The following OXCT1 variants were observed in gnomAD, a reference collection of about 807,000 sequenced individuals.
OXCT1 encodes 3-oxoacid CoA-transferase 1, also known as succinyl-CoA:3-ketoacid coenzyme A transferase 1, mitochondrial.
Under a neutral mutation model 69.6 loss-of-function variants are expected in OXCT1, and 27 were observed. The observed-to-expected ratio is 0.39, with a 90% CI of 0.29 to 0.54. OXCT1 has a LOEUF of 0.54. Among genes scored for constraint, OXCT1 ranks in the 20% least tolerant of loss-of-function variants. The probability of loss-of-function intolerance (pLI) is 0.72; values close to 1 mark genes in which losing one functional copy is unlikely to be tolerated. For synonymous variants in OXCT1, 202 were observed against 217.8 expected (o/e 0.93, Z 0.64); for missense variants, 437 against 650.2 (o/e 0.67, Z 3.57).
At chr5:41,832,395 A>T (rs1381215839) in intron 7 of OXCT1, among the ~76,000 whole-genome samples, 1 of 152,136 alleles carries the variant, frequency 6.6e-6, no homozygotes, top group Non-Finnish European at 1.5e-5. Flanking sequence ...GTAAGGGAAA[A>T]GAACAGCAGT....
At chr5:41,839,703 A>G (rs1748537805) in intron 7 of OXCT1, among the ~76,000 whole-genome samples, 1 of 152,226 alleles carries the variant, frequency 6.6e-6, no homozygotes, top group South Asian at 2.1e-4. Flanking sequence ...AACACCTGCC[A>G]TCATGAGAAA....
chr5:41,813,662 T>A (rs1561097590), intron 7 of OXCT1, among the ~76,000 whole-genome samples: 2 of 152,040 alleles, frequency 1.3e-5, no homozygotes, highest in Admixed American at 6.6e-5. Context: ...GAGAAGACAG[T>A]CTGACGCTCA....
rs183413214 is a variant in OXCT1 at position 41,776,437 on chromosome 5, C to T, written c.1249-14237G>A. 2.6e-3 allele frequency among the ~76,000 whole-genome samples: 394 copies of T among 152,324 alleles called. 4 individuals carry two copies. Among genetic ancestry groups the T allele is most frequent in the African/African-American group, 9.2e-3 (383 of 41,562 alleles). On this transcript the variant is annotated intron_variant, in intron 13 of 16. Transcript: ENST00000196371. Reference sequence around the variant, plus strand: ...TACAACAAAAAATTTATTTAAAAAACTCAGTATGTGGCCTGTTCCTGTGTT... The same window carrying T: ...TACAACAAAAAATTTATTTAAAAAATTCAGTATGTGGCCTGTTCCTGTGTT...
intron 7 of OXCT1, among the ~76,000 whole-genome samples, chr5:41,813,378 T>C (rs1458879348): frequency 2.0e-5 from 3 of 152,100 alleles, no homozygotes; most frequent in East Asian, 3.9e-4. Flanking sequence ...TTTTATCTTT[T>C]GAGGGCAAAT....
intron 11 of OXCT1, among the ~76,000 whole-genome samples, chr5:41,799,400 A>G (rs552657561): frequency 6.6e-6 from 1 of 152,338 alleles, no homozygotes; most frequent in South Asian, 2.1e-4. Flanking sequence ...GCTTCCCATA[A>G]GCAATGAATT....
At chr5:41,846,911 G>C (rs2112429446) in intron 5 of OXCT1, among the ~76,000 whole-genome samples, 1 of 152,044 alleles carries the variant, frequency 6.6e-6, no homozygotes, top group South Asian at 2.1e-4. Context: ...CATGTTTTTT[G>C]GCTGCATAAA....
chr5:41,768,578 C>T (rs1339746092), intron 13 of OXCT1, among the ~76,000 whole-genome samples: 1 of 152,120 alleles, frequency 6.6e-6, no homozygotes, highest in African/African-American at 2.4e-5. Context: ...AATCAGAAAC[C>T]TCCTTGTCTC....
chr5:41,856,355 G>C (rs1175068661), intron 3 of OXCT1, among the ~76,000 whole-genome samples: 1 of 152,134 alleles, frequency 6.6e-6, no homozygotes, highest in Non-Finnish European at 1.5e-5. Context: ...AAAGAAAGTT[G>C]GTTGGGGGAA....
At chr5:41,787,370 C>T (rs1453470481) in intron 13 of OXCT1, among the ~76,000 whole-genome samples, 1 of 152,102 alleles carries the variant, frequency 6.6e-6, no homozygotes, top group Non-Finnish European at 1.5e-5. Flanking sequence ...CAAGATAGGT[C>T]TACAATTTCC....
intron 7 of OXCT1, among the ~76,000 whole-genome samples, chr5:41,834,553 A>G (rs1202363628): frequency 6.6e-6 from 1 of 152,016 alleles, no homozygotes; most frequent in Non-Finnish European, 1.5e-5. Flanking sequence ...AATAGATTTC[A>G]AGAGAAAAAC....
At chr5:41,824,921 T>C (rs2112342761) in intron 7 of OXCT1, among the ~76,000 whole-genome samples, 1 of 152,320 alleles carries the variant, frequency 6.6e-6, no homozygotes, top group African/African-American at 2.4e-5. Flanking sequence ...GGCAAAGCTT[T>C]TCCAAAATTT....
At chr5:41,830,507 T>C (rs898624258) in intron 7 of OXCT1, among the ~76,000 whole-genome samples, 2 of 152,222 alleles carry the variant, frequency 1.3e-5, no homozygotes, top group African/African-American at 2.4e-5. Flanking sequence ...GCAAAGAGCA[T>C]GTAGCATAGT....
intron 7 of OXCT1, among the ~76,000 whole-genome samples, chr5:41,838,805 A>G (rs1362245607): frequency 6.6e-6 from 1 of 152,048 alleles, no homozygotes; most frequent in Non-Finnish European, 1.5e-5. Flanking sequence ...TTGTAGACAC[A>G]GGGTTTCACC....
chr5:41,735,773 C>A (rs1451079612), intron 16 of OXCT1, among the ~76,000 whole-genome samples: 1 of 152,110 alleles, frequency 6.6e-6, no homozygotes, highest in East Asian at 1.9e-4. Flanking sequence ...CCGGTGTGTC[C>A]CTTATTGATG....
rs1399682767 is a variant in OXCT1 at position 41,762,388 on chromosome 5, G to A, written c.1249-188C>T. On this transcript the variant is annotated intron_variant, in intron 13 of 16. Transcript: ENST00000196371. The surrounding 1 kb of genome is among the most constrained non-coding windows in gnomAD (Gnocchi z 4.0). ...TCTGTGGTTGAAGGATAAAGTTCAG[G>A]ATAAACATTACATCACTTTTATTAA... Among the ~76,000 whole-genome samples the A allele has an allele frequency of 6.6e-6, 1 of 151,944 alleles. No homozygotes were observed. The highest frequency in any genetic ancestry group is 1.5e-5 in the Non-Finnish European group (1 of 67,990).
intron 13 of OXCT1, among the ~76,000 whole-genome samples, chr5:41,771,867 T>A (rs553914132): frequency 6.6e-6 from 1 of 152,362 alleles, no homozygotes; most frequent in Admixed American, 6.5e-5. Context: ...TAGAATCATA[T>A]GAAATTGCTC....
chr5:41,846,757 A>C (rs1271911619), intron 5 of OXCT1, among the ~76,000 whole-genome samples: 2 of 152,262 alleles, frequency 1.3e-5, no homozygotes, highest in Admixed American at 1.3e-4. Context: ...AACAGTGTAA[A>C]AGTATTCCTA....
At chr5:41,770,833 A>G (rs1258699876) in intron 13 of OXCT1, among the ~76,000 whole-genome samples, 3 of 152,212 alleles carry the variant, frequency 2.0e-5, no homozygotes, top group Non-Finnish European at 4.4e-5. Flanking sequence ...TGTATACATT[A>G]GATTTGATAA....
intron 12 of OXCT1, 23 bp downstream of exon 12, chr5:41,794,654 T>A (rs1405447065): frequency 6.2e-7 from 1 of 1,605,130 alleles, no homozygotes; most frequent in African/African-American, 1.3e-5. Flanking sequence ...GTCTGAAACA[T>A]GAGGGGCTCT....
Sources: gnomAD v4.1 joint callset for allele counts (sites outside exome capture counted in the v4.1 genomes callset) on GRCh38, gnomAD v4.1.1 for gene constraint, Gnocchi (gnomAD v3.1) non-coding constraint, MANE v1.5 for transcripts, NCBI Gene and HGNC (gene_info 2026-07-23, HGNC 2026-07-21) for gene names.